FREM3: variants seen among roughly 807,000 people sequenced by gnomAD.
The protein encoded by FREM3 is FRAS1-related extracellular matrix protein 3.
Under a neutral mutation model 129.1 loss-of-function variants are expected in FREM3, and 105 were observed. That is an observed-to-expected ratio of 0.81 (90% CI 0.69 to 0.96). FREM3 has a LOEUF of 0.96. Ranked by LOEUF, FREM3 falls within the 40% of genes least tolerant of loss-of-function variation. The pLI, the probability that FREM3 is intolerant of heterozygous loss-of-function variation, is 0.00. For missense variants in FREM3, 2,593 were observed against 2,666.3 expected (o/e 0.97, Z 0.61); for synonymous variants, 1,014 against 1,044.9 (o/e 0.97, Z 0.57).
In FREM3 at chr4:143,577,624, C is replaced by A. The variant is rs62337428; in HGVS notation, c.6407G>T (p.Ser2136Ile). 3.3e-6 allele frequency: 5 copies of A among 1,537,074 alleles called. No homozygotes were observed. The highest frequency in any genetic ancestry group is 4.4e-6 in the Non-Finnish European group (5 of 1,146,776). ...TITDCKQSAC[S>I]SFD Reference sequence around the variant, plus strand: ...TCTTAAAGTCTTTCAATCAAAGGAACTACAAGCACTCTGCTTACAGTCCGT... The same window carrying A: ...TCTTAAAGTCTTTCAATCAAAGGAAATACAAGCACTCTGCTTACAGTCCGT... The change falls in exon 8 of 8, where the codon AGT (serine) becomes ATT (isoleucine). Residue 2136 changes from serine to isoleucine, a missense_variant. Coordinates refer to ENST00000329798, the MANE Select transcript of FREM3 (RefSeq NM_001168235.2).
In FREM3 at chr4:143,586,003, CA is replaced by C. The variant is rs1020992741; in HGVS notation, c.6029-11del. 6.5e-6 allele frequency: 10 copies of C among 1,532,238 alleles called. No homozygotes were observed. In the African/African-American group the frequency reaches 1.2e-4, roughly 19 times the overall value. The allele number at this position is 1,532,238 out of a possible 1,614,324, so 94.9% of individuals were successfully genotyped here. A position where few individuals can be genotyped will look rare whatever the true frequency, so the allele number is the denominator to read the frequency against. Reference sequence around the variant, plus strand: ...AAGTGCAGGACAGGTTCTAAAGAGGCAAAAAAAGATACACTAAGAATGCTTC... The same window carrying C: ...AAGTGCAGGACAGGTTCTAAAGAGGCAAAAAAGATACACTAAGAATGCTTC... On this transcript the variant is annotated splice_polypyrimidine_tract_variant and intron_variant, in intron 6 of 7. Transcript: ENST00000329798.
Position 143,698,842 on chromosome 4 carries a change from C to T in FREM3, c.1834G>A (p.Asp612Asn). 6.5e-7 allele frequency: 1 copy of T among 1,537,730 alleles called. No homozygotes were observed. The highest frequency in any genetic ancestry group is 8.7e-7 in the Non-Finnish European group (1 of 1,147,012). ...GSSHSGHYLGDLLLQQAELPL... is the reference protein window; with the variant it reads ...GSSHSGHYLGNLLLQQAELPL... Reference sequence around the variant, plus strand: ...AGTTCAGCCTGCTGCAGCAACAGGTCCCCCAGGTAGTGGCCTGAGTGGGAG... The same window carrying T: ...AGTTCAGCCTGCTGCAGCAACAGGTTCCCCAGGTAGTGGCCTGAGTGGGAG... The change falls in exon 1 of 8, where the codon GAC becomes AAC. Residue 612 changes from aspartate to asparagine, a missense_variant. Transcript: ENST00000329798.
intron 2 of FREM3, among the ~76,000 whole-genome samples, chr4:143,679,125 T>TC (rs1223172027): frequency 6.6e-6 from 1 of 152,198 alleles, no homozygotes; most frequent in Non-Finnish European, 1.5e-5. Flanking sequence ...TCTTCTGGTC[T>TC]CCACCAGAAA....
chr4:143,635,868 G>C (rs1355105381), intron 2 of FREM3, among the ~76,000 whole-genome samples: 1 of 152,084 alleles, frequency 6.6e-6, no homozygotes, highest in Non-Finnish European at 1.5e-5. Context: ...CTATTTAGTG[G>C]GGTTTGATTT....
At chr4:143,622,484 T>C (rs775552995) in intron 4 of FREM3, among the ~76,000 whole-genome samples, 15 of 151,930 alleles carry the variant, frequency 9.9e-5, no homozygotes, top group Admixed American at 2.0e-4. Context: ...CTAGCTATTG[T>C]ATATTAATTT....
chr4:143,650,398 A>G (rs1475450158), intron 2 of FREM3, among the ~76,000 whole-genome samples: 1 of 152,250 alleles, frequency 6.6e-6, no homozygotes, highest in Non-Finnish European at 1.5e-5. Context: ...ACAATGAACT[A>G]TCAGCCAAAG....
intron 2 of FREM3, among the ~76,000 whole-genome samples, chr4:143,682,934 G>A (rs1213995527): frequency 1.3e-5 from 2 of 152,162 alleles, no homozygotes; most frequent in Non-Finnish European, 1.5e-5. Context: ...AGACTATGCT[G>A]GATTATCTGG....
At chr4:143,665,523 AT>A (rs1489375036) in intron 2 of FREM3, among the ~76,000 whole-genome samples, 1 of 152,118 alleles carries the variant, frequency 6.6e-6, no homozygotes, top group African/African-American at 2.4e-5. Flanking sequence ...CATTTCTGAA[AT>A]TCAGCCCAAG....
rs1195476277 is a variant in FREM3 at position 143,696,231 on chromosome 4, G to C, written c.4445C>G (p.Pro1482Arg). The part of the protein sequence containing the change: ...HLESSDYAGE[P>R]IASFTQLQLA... ...TTGAAGTTGAGTGAAAGAGGCAATG[G>C]GTTCCCCAGCATAGTCAGAACTTTC... The change falls in exon 1 of 8, where the codon CCC (proline) becomes CGC (arginine). Residue 1482 changes from proline (P) to arginine (R), a missense_variant. Coordinates refer to ENST00000329798, the MANE Select transcript of FREM3 (RefSeq NM_001168235.2). The C allele has an allele frequency of 1.3e-6, 2 of 1,537,828 alleles. No homozygotes were observed. Among genetic ancestry groups the C allele is most frequent in the Admixed American group, 2.0e-5 (1 of 51,004 alleles).
intron 6 of FREM3, among the ~76,000 whole-genome samples, chr4:143,602,763 A>G (rs1174846140): frequency 6.6e-6 from 1 of 152,198 alleles, no homozygotes; most frequent in Admixed American, 6.5e-5. Flanking sequence ...AGCACGGCCA[A>G]CTGTTTTGTC....
intron 2 of FREM3, among the ~76,000 whole-genome samples, chr4:143,647,763 A>G (rs1268693036): frequency 6.6e-6 from 1 of 152,158 alleles, no homozygotes; most frequent in East Asian, 1.9e-4. Context: ...GTCCAGGCAG[A>G]AGTTTGCTGT....
chr4:143,648,785 C>T (rs1401254068), intron 2 of FREM3, among the ~76,000 whole-genome samples: 1 of 152,170 alleles, frequency 6.6e-6, no homozygotes, highest in Admixed American at 6.5e-5. Flanking sequence ...TGGACTAATG[C>T]AGAGTCCTGT....
chr4:143,699,828 C>G lies in FREM3; in HGVS notation c.848G>C (p.Gly283Ala), dbSNP rs1740659240. ...GPEGQDAGSAGVLVREHFQLL... is the reference protein window; with the variant it reads ...GPEGQDAGSAAVLVREHFQLL... ...CTGGAAGTGCTCGCGGACCAGCACACCCGCGGACCCAGCGTCTTGGCCCTC... is the reference window on the plus strand; with the variant it reads ...CTGGAAGTGCTCGCGGACCAGCACAGCCGCGGACCCAGCGTCTTGGCCCTC... Residue 283 changes from glycine (G) to alanine (A), a missense_variant, in exon 1 of 8, where the codon GGT becomes GCT. Around this residue, in one of 2 missense-constraint regions of FREM3, gnomAD observed 2,276 missense variants for 2,267.2 expected, o/e 1.00. Coordinates refer to ENST00000329798, the MANE Select transcript of FREM3 (RefSeq NM_001168235.2). The surrounding 1 kb of genome is among the most constrained non-coding windows in gnomAD (Gnocchi z 4.2). The G allele has an allele frequency of 1.3e-6, 2 of 1,536,572 alleles. No individual in the cohort carries two copies. Among genetic ancestry groups the G allele is most frequent in the African/African-American group, 1.4e-5 (1 of 73,192 alleles).
chr4:143,581,325 A>C (rs576809528), intron 7 of FREM3, among the ~76,000 whole-genome samples: 1 of 152,302 alleles, frequency 6.6e-6, no homozygotes, highest in East Asian at 1.9e-4. Context: ...CTGCAGTGGT[A>C]CTGCCCTTAC....
At chr4:143,619,036 C>T (rs1738903188) in intron 5 of FREM3, among the ~76,000 whole-genome samples, 1 of 152,144 alleles carries the variant, frequency 6.6e-6, no homozygotes, top group Non-Finnish European at 1.5e-5. Context: ...AATAACATTG[C>T]TTAAAGTTGT....
At chr4:143,646,182 T>A (rs1006771478) in intron 2 of FREM3, among the ~76,000 whole-genome samples, 7 of 152,128 alleles carry the variant, frequency 4.6e-5, no homozygotes, top group African/African-American at 1.7e-4. Context: ...ACATTTAAAA[T>A]TATTGGAAAA....
intron 7 of FREM3, 129 bp from the exon 8 acceptor site, chr4:143,577,981 CT>C: frequency 9.2e-7 from 1 of 1,089,064 alleles, no homozygotes; most frequent in Non-Finnish European, 1.3e-6. Context: ...GGATCATATA[CT>C]TTGGGTTTGA....
At chr4:143,662,766 C>T (rs1270383271) in intron 2 of FREM3, among the ~76,000 whole-genome samples, 2 of 151,848 alleles carry the variant, frequency 1.3e-5, no homozygotes, top group Admixed American at 1.3e-4. Context: ...TCTGGGTGCT[C>T]CTGTATTGGG....
chr4:143,624,893 T>G (rs1446450978), intron 3 of FREM3, among the ~76,000 whole-genome samples: 1 of 152,186 alleles, frequency 6.6e-6, no homozygotes, highest in African/African-American at 2.4e-5. Context: ...CTGAAGGTTG[T>G]TTCCTCTTGC....
Sources: gnomAD v4.1 joint callset for allele counts (sites outside exome capture counted in the v4.1 genomes callset) on GRCh38, gnomAD v4.1.1 for gene constraint, gnomAD v4.1.1 regional missense constraint, Gnocchi (gnomAD v3.1) non-coding constraint, MANE v1.5 for transcripts, NCBI Gene and HGNC (gene_info 2026-07-23, HGNC 2026-07-21) for gene names.